TCF4: variants seen among roughly 807,000 people sequenced by gnomAD.
TCF4 encodes the protein transcription factor 4.
A neutral mutation model predicts 82.1 loss-of-function variants in TCF4; 3 were observed. That is an observed-to-expected ratio of 0.04 (90% confidence interval 0.02 to 0.09). TCF4 has a LOEUF of 0.09. Among genes scored for constraint, TCF4 ranks in the 10% least tolerant of loss-of-function variants. TCF4 has a pLI of 1.00. For missense variants in TCF4, 518 were observed against 852.7 expected, an observed-to-expected ratio of 0.61 and a Z score of 4.89; for synonymous variants, 276 against 309.6, an observed-to-expected ratio of 0.89 and a Z score of 1.14.
At chr18:55,387,469 T>C (rs7240079) in intron 6 of TCF4, among the ~76,000 whole-genome samples, 4,714 of 152,340 alleles carry the variant, frequency 0.031, 237 homozygotes, top group African/African-American at 0.11. Flanking sequence ...TATTCTGGAA[T>C]GGCTAGAGGC....
upstream of TCF4, among the ~76,000 whole-genome samples, chr18:55,590,857 A>G (rs920638648): frequency 6.6e-6 from 1 of 152,236 alleles, no homozygotes; most frequent in Non-Finnish European, 1.5e-5. Flanking sequence ...TGTAATTTGT[A>G]TATTGGGCAA....
chr18:55,341,881 C>T (rs1056951788), intron 8 of TCF4, among the ~76,000 whole-genome samples: 8 of 152,140 alleles, frequency 5.3e-5, no homozygotes, highest in African/African-American at 1.9e-4. Flanking sequence ...CTTTAAAATG[C>T]TAAGGTTATT....
intron 5 of TCF4, among the ~76,000 whole-genome samples, chr18:55,413,443 C>T (rs2094425741): frequency 6.6e-6 from 1 of 152,118 alleles, no homozygotes; most frequent in African/African-American, 2.4e-5. Context: ...TGATGTTTTC[C>T]AGCCAAGCCT....
In TCF4 at chr18:55,234,615, C is replaced by T. The variant is rs143944746; in HGVS notation, c.1419G>A (p.Pro473=). The T allele has an allele frequency of 6.8e-6, 11 of 1,614,066 alleles. No homozygotes were observed. The highest frequency in any genetic ancestry group is 3.3e-5 in the South Asian group (3 of 91,074). ...GSHSLLPNQV[P]VPQLPVQSAT... is the part of the protein sequence containing the mutation. ...CAGACTGGACAGGAAGCTGTGGAAC[C>T]GGAACCTGGTTTGGCAGAAGAGAAT... is the stretch of plus-strand genomic sequence containing the variant. Residue 473 remains proline (P), a synonymous_variant, in exon 16 of 20, where the codon CCG becomes CCA. Transcript: ENST00000354452.
chr18:55,435,888 T>C (rs1057381049), intron 5 of TCF4, among the ~76,000 whole-genome samples: 2 of 152,196 alleles, frequency 1.3e-5, no homozygotes, highest in African/African-American at 4.8e-5. Context: ...TCCTGTGTCT[T>C]ACAGCAGACA....
Position 55,227,992 on chromosome 18 carries a change from T to C in TCF4, c.*43A>G, listed in dbSNP as rs1459317017. On this transcript the variant is annotated 3_prime_UTR_variant, in exon 20 of 20. Coordinates refer to ENST00000354452, the MANE Select transcript of TCF4 (RefSeq NM_001083962.2). The stretch of plus-strand genomic sequence containing the variant: ...TAAGATAATACAGCTGTTAAGGAAG[T>C]GGTCTCTTGTTTTAATGAAGCAATG... 1 of 522,982 alleles carries C rather than the reference T, an allele frequency of 1.9e-6. No individual in the cohort carries two copies. The highest frequency in any genetic ancestry group is 1.9e-5 in the African/African-American group (1 of 52,114). The allele number at this position is 522,982 out of a possible 1,614,324, so 32.4% of individuals were successfully genotyped here. A position where few individuals can be genotyped will look rare whatever the true frequency, so the allele number is the denominator to read the frequency against.
intron 8 of TCF4, among the ~76,000 whole-genome samples, chr18:55,285,874 T>C (rs1261669107): frequency 6.6e-6 from 1 of 152,256 alleles, no homozygotes; most frequent in East Asian, 1.9e-4. Context: ...ATATAACTGC[T>C]GTTCAATAAA....
At chr18:55,527,563 AAC>A (rs769621868) in intron 3 of TCF4, among the ~76,000 whole-genome samples, 2 of 152,188 alleles carry the variant, frequency 1.3e-5, no homozygotes, top group Non-Finnish European at 2.9e-5. Context: ...TGACATGTCA[AAC>A]ACACAGAGAC....
chr18:55,618,664 C>T (rs2097714565), intron 2 of TCF4, among the ~76,000 whole-genome samples: 1 of 152,008 alleles, frequency 6.6e-6, no homozygotes, highest in Non-Finnish European at 1.5e-5. Flanking sequence ...TCATTGCAGC[C>T]TTGACCTCCT....
intron 6 of TCF4, among the ~76,000 whole-genome samples, chr18:55,365,187 ATATATGTGTGTGTGTGTGTGTG>A (rs2086605207): frequency 9.2e-6 from 1 of 108,412 alleles, no homozygotes; most frequent in Non-Finnish European, 1.8e-5. Flanking sequence ...ATATATATAT[ATATATGTGTGTGTGTGTGTGTG>A]TATATATATG....
At chr18:55,585,513 C>T in intron 2 of TCF4, 161 bp from the exon 3 acceptor site, 1 of 725,206 alleles carries the variant, frequency 1.4e-6, no homozygotes, top group Non-Finnish European at 2.3e-6. Context: ...AGAGAAACAA[C>T]ATTACAGATC....
At chr18:55,284,890 C>T (rs1157405133) in intron 8 of TCF4, among the ~76,000 whole-genome samples, 1 of 152,168 alleles carries the variant, frequency 6.6e-6, no homozygotes, top group African/African-American at 2.4e-5. Flanking sequence ...CTGAGTGCCA[C>T]TGATGTCCAC....
At chr18:55,234,386 C>A in intron 16 of TCF4, 162 bp downstream of exon 16, 1 of 931,482 alleles carries the variant, frequency 1.1e-6, no homozygotes, top group Non-Finnish European at 1.6e-6. Context: ...AATTAGCGGG[C>A]GAAGTTCTAA....
chr18:55,282,036 A>G (rs1601347087), intron 8 of TCF4, among the ~76,000 whole-genome samples: 2 of 152,170 alleles, frequency 1.3e-5, no homozygotes, highest in Admixed American at 1.3e-4. Flanking sequence ...AGTTTTTTAT[A>G]CAGACAATTT....
intron 3 of TCF4, among the ~76,000 whole-genome samples, chr18:55,506,721 C>T (rs949477993): frequency 6.6e-5 from 10 of 152,144 alleles, no homozygotes; most frequent in Admixed American, 1.3e-4. Flanking sequence ...ATTCTATATA[C>T]GCTATGATTT....
intron 3 of TCF4, among the ~76,000 whole-genome samples, chr18:55,513,648 C>G (rs1029438157): frequency 6.6e-6 from 1 of 152,020 alleles, no homozygotes; most frequent in African/African-American, 2.4e-5. Flanking sequence ...TCACTTGCAA[C>G]TATAAATTTG....
intron 3 of TCF4, among the ~76,000 whole-genome samples, chr18:55,476,343 T>C (rs2096287901): frequency 6.6e-6 from 1 of 152,164 alleles, no homozygotes; most frequent in South Asian, 2.1e-4. Flanking sequence ...TGAGAGGAAC[T>C]TTGCCATTCA....
intron 15 of TCF4, among the ~76,000 whole-genome samples, chr18:55,242,319 A>T (rs935658109): frequency 1.3e-5 from 2 of 152,206 alleles, no homozygotes; most frequent in South Asian, 2.1e-4. Flanking sequence ...ACTTGTCTCC[A>T]TTTGTGGGCA....
intron 2 of TCF4, among the ~76,000 whole-genome samples, chr18:55,604,897 A>G (rs1471235761): frequency 1.3e-5 from 2 of 152,168 alleles, no homozygotes; most frequent in East Asian, 3.9e-4. Flanking sequence ...CAGGCCATTG[A>G]GGGAGGTAAG....
Sources: gnomAD v4.1 joint callset for allele counts (sites outside exome capture counted in the v4.1 genomes callset) on GRCh38, gnomAD v4.1.1 for gene constraint, MANE v1.5 for transcripts, NCBI Gene and HGNC (gene_info 2026-07-23, HGNC 2026-07-21) for gene names.